Variants in SATB1 observed in about 807,000 individuals in gnomAD.
SATB1 encodes the protein SATB homeobox 1.
A neutral mutation model predicts 86.9 loss-of-function variants in SATB1; 11 were observed. The ratio of observed to expected loss-of-function variants is 0.13; its 90% CI spans 0.08 to 0.21. SATB1 has a LOEUF of 0.21. Among genes scored for constraint, SATB1 ranks in the 10% least tolerant of loss-of-function variants. The pLI is 1.00. For missense variants in SATB1, 551 were observed against 937.6 expected, an observed-to-expected ratio of 0.59 and a Z score of 5.39; for synonymous variants, 357 against 357.2, an observed-to-expected ratio of 1.00 and a Z score of 0.01.
At chr3:18,371,314 C>T (rs1269169707) in intron 9 of SATB1, among the ~76,000 whole-genome samples, 1 of 152,108 alleles carries the variant, frequency 6.6e-6, no homozygotes, top group African/African-American at 2.4e-5. Context: ...AAATGGTTTA[C>T]AACTTCTATT....
At chr3:18,376,585 G>C (rs993061960) in intron 9 of SATB1, among the ~76,000 whole-genome samples, 1 of 150,844 alleles carries the variant, frequency 6.6e-6, no homozygotes, top group Non-Finnish European at 1.5e-5. Flanking sequence ...TAGGTGGGGG[G>C]GGGGAGTGAG....
chr3:18,350,858 C>T (rs751927748), intron 10 of SATB1: 9 of 218,904 alleles, frequency 4.1e-5, no homozygotes, highest in East Asian at 1.3e-4. Context: ...TATACACACA[C>T]GCACACACAT....
intron 8 of SATB1, among the ~76,000 whole-genome samples, chr3:18,379,956 A>G (rs1349600247): frequency 2.0e-5 from 3 of 152,200 alleles, no homozygotes; most frequent in Non-Finnish European, 4.4e-5. Context: ...GGAGGCCACT[A>G]GAACACATAC....
intron 9 of SATB1, among the ~76,000 whole-genome samples, chr3:18,360,301 C>A (rs1694844691): frequency 2.6e-5 from 4 of 152,130 alleles, no homozygotes; most frequent in Admixed American, 2.6e-4. Context: ...CATTAGTCTT[C>A]CACTTTCAAA....
At chr3:18,408,841 T>G (rs1697685561) in intron 5 of SATB1, 1 of 151,972 alleles carries the variant, frequency 6.6e-6, no homozygotes, top group Admixed American at 6.6e-5. Flanking sequence ...ACTAGTTCTG[T>G]TTTAGCAAGA....
At chr3:18,414,870 C>A in intron 5 of SATB1, 1 of 396,232 alleles carries the variant, frequency 2.5e-6, no homozygotes, top group Non-Finnish European at 4.5e-6. Flanking sequence ...CGGAGTCTTC[C>A]ACTGAACTGT....
At chr3:18,445,584 T>G in exon 1 of SATB1, 25 of 966,554 alleles carry the variant, frequency 2.6e-5, no homozygotes, top group Non-Finnish European at 3.1e-5. Flanking sequence ...TGTTGCTTGT[T>G]GTTTGGCTGG....
At position 18,386,108 on chromosome 3, in the gene SATB1, T is replaced by C. The variant is rs1431858571; in HGVS notation, c.1419+291A>G. On this transcript the variant is annotated intron_variant, in intron 8 of 10. Coordinates refer to ENST00000338745, the MANE Select transcript of SATB1 (RefSeq NM_002971.6). The surrounding 1 kb of genome is among the most constrained non-coding windows in gnomAD (Gnocchi z 4.5). ...CTTTTTCTATTGAGTTTAAAATACT[T>C]TACTTAATAACAACAGTAGAGACAA... is the stretch of plus-strand genomic sequence containing the variant. Among the ~76,000 whole-genome samples, 1 of 152,114 alleles carries C rather than the reference T, an allele frequency of 6.6e-6. No homozygotes were observed. The highest frequency in any genetic ancestry group is 1.5e-5 in the Non-Finnish European group (1 of 68,020).
Position 18,351,730 on chromosome 3 carries a change from G to A in SATB1, c.1779+262C>T, listed in dbSNP as rs1158284093. The A allele has an allele frequency of 7.5e-6, 4 of 532,694 alleles. No homozygotes were observed. The South Asian group carries it at 9.7e-5, about 13-fold the overall frequency. The allele number at this position is 532,694 out of a possible 1,614,324, so 33.0% of individuals were successfully genotyped here. ...TAACACAAAACCCAATACCAACAAA[G>A]ACACATTTGCCAAACGAGTGTAAAA... On this transcript the variant is annotated intron_variant, in intron 10 of 10. Coordinates refer to ENST00000338745, the MANE Select transcript of SATB1 (RefSeq NM_002971.6).
chr3:18,410,267 G>C, intron 5 of SATB1, among the ~76,000 whole-genome samples: 1 of 152,154 alleles, frequency 6.6e-6, no homozygotes, highest in South Asian at 2.1e-4. Context: ...CACTACTTTA[G>C]AGAAATCAAA....
intron 1 of SATB1, among the ~76,000 whole-genome samples, chr3:18,422,985 G>C (rs1337110319): frequency 6.6e-6 from 1 of 152,168 alleles, no homozygotes; most frequent in East Asian, 1.9e-4. Context: ...TAAACACTAA[G>C]TCGTGGTGTA....
At chr3:18,445,459 G>T (rs1699369700) in intron 1 of SATB1, 1 of 985,184 alleles carries the variant, frequency 1.0e-6, no homozygotes, top group Non-Finnish European at 1.2e-6. Context: ...GTGGGCGCTT[G>T]GGGGTGCGCT....
At position 18,386,270 on chromosome 3, in the gene SATB1, C is replaced by T. The variant is rs1049065317; in HGVS notation, c.1419+129G>A. The T allele has an allele frequency of 2.0e-5, 15 of 733,806 alleles. No homozygotes were observed. In the South Asian group the frequency reaches 3.1e-4, roughly 15 times the overall value. The allele number at this position is 733,806 out of a possible 1,614,324, so 45.5% of individuals were successfully genotyped here. ...TAATGATTTGGGACCAAATTCTCCT[C>T]AAGCAACTATACGAATTTAAAAACA... On this transcript the variant is annotated intron_variant, in intron 8 of 10. Coordinates refer to ENST00000338745, the MANE Select transcript of SATB1 (RefSeq NM_002971.6). The surrounding 1 kb of genome is among the most constrained non-coding windows in gnomAD (Gnocchi z 4.5).
intron 1 of SATB1, among the ~76,000 whole-genome samples, chr3:18,437,693 T>A (rs1024308694): frequency 1.3e-5 from 2 of 152,158 alleles, no homozygotes; most frequent in African/African-American, 4.8e-5. Context: ...TCTAAGAAAA[T>A]TTTTAAAACA....
intron 9 of SATB1, among the ~76,000 whole-genome samples, chr3:18,362,920 T>C (rs1391813469): frequency 3.2e-5 from 2 of 61,980 alleles, no homozygotes; most frequent in Non-Finnish European, 8.1e-5. Flanking sequence ...ATAAAAAGAA[T>C]AATTTTAAGG....
At chr3:18,373,329 T>C (rs965062225) in intron 9 of SATB1, among the ~76,000 whole-genome samples, 1 of 152,150 alleles carries the variant, frequency 6.6e-6, no homozygotes, top group Non-Finnish European at 1.5e-5. Flanking sequence ...GGTGAACTCT[T>C]GTTGTAGCAA....
At chr3:18,392,973 A>C (rs1696764169) in intron 7 of SATB1, among the ~76,000 whole-genome samples, 1 of 46,992 alleles carries the variant, frequency 2.1e-5, no homozygotes, top group South Asian at 5.2e-4. Flanking sequence ...ACGAACGTAC[A>C]AAAAAAAAAA....
At chr3:18,357,411 A>G (rs1411149907) in intron 9 of SATB1, among the ~76,000 whole-genome samples, 1 of 151,932 alleles carries the variant, frequency 6.6e-6, no homozygotes, top group African/African-American at 2.4e-5. Flanking sequence ...CATTTTCAAC[A>G]ACAACTAACT....
chr3:18,414,993 G>T, intron 5 of SATB1, 118 bp downstream of exon 5: 1 of 1,132,960 alleles, frequency 8.8e-7, no homozygotes, highest in Non-Finnish European at 1.3e-6. Context: ...AAGTCACTTT[G>T]CATTTTTGGC....
Sources: allele counts gnomAD v4.1 joint callset (sites outside exome capture counted in the v4.1 genomes callset), GRCh38; gene constraint gnomAD v4.1.1; non-coding constraint Gnocchi (gnomAD v3.1); transcripts MANE v1.5; gene names NCBI Gene and HGNC (gene_info 2026-07-23, HGNC 2026-07-21).